Variants in DOCK3 observed in about 807,000 individuals in gnomAD.
DOCK3 encodes dedicator of cytokinesis protein 3.
In DOCK3, 60 loss-of-function variants were observed where a neutral mutation model predicts 265.6. The ratio of observed to expected loss-of-function variants is 0.23; its 90% CI spans 0.18 to 0.28. DOCK3 has a LOEUF of 0.28. Ranked by LOEUF, DOCK3 falls within the 10% of genes least tolerant of loss-of-function variation. The pLI, the probability that DOCK3 is intolerant of heterozygous loss-of-function variation, is 1.00. For missense variants in DOCK3, 1,981 were observed against 2,594.3 expected, an observed-to-expected ratio of 0.76 and a Z score of 5.14; for synonymous variants, 881 against 938.0, an observed-to-expected ratio of 0.94 and a Z score of 1.11.
At chr3:51,205,946 C>A (rs889469824) in intron 12 of DOCK3, among the ~76,000 whole-genome samples, 4 of 152,192 alleles carry the variant, frequency 2.6e-5, no homozygotes, top group Non-Finnish European at 2.9e-5. Flanking sequence ...CATTTGATTT[C>A]AAACAATCTT....
intron 5 of DOCK3, among the ~76,000 whole-genome samples, chr3:51,009,223 T>C (rs974358633): frequency 2.0e-5 from 3 of 152,232 alleles, no homozygotes; most frequent in Admixed American, 6.5e-5. Context: ...TCTCATAGAA[T>C]TCGGCTGTGA....
chr3:51,101,758 C>T (rs1181288559), intron 9 of DOCK3, among the ~76,000 whole-genome samples: 3 of 152,146 alleles, frequency 2.0e-5, no homozygotes, highest in African/African-American at 2.4e-5. Context: ...AAAAAGGCTT[C>T]GTGTAGAATC....
At chr3:50,859,653 C>T (rs2046808459) in intron 3 of DOCK3, among the ~76,000 whole-genome samples, 1 of 152,126 alleles carries the variant, frequency 6.6e-6, no homozygotes, top group South Asian at 2.1e-4. Flanking sequence ...GATGTTTTCA[C>T]CAAGCTGAGG....
At chr3:51,295,296 A>C (rs2082019253) in intron 27 of DOCK3, among the ~76,000 whole-genome samples, 1 of 152,264 alleles carries the variant, frequency 6.6e-6, no homozygotes, top group Non-Finnish European at 1.5e-5. Context: ...CAGAGATATC[A>C]TGGTGAGAGA....
At chr3:50,931,444 C>G (rs1029866884) in intron 4 of DOCK3, among the ~76,000 whole-genome samples, 1 of 152,172 alleles carries the variant, frequency 6.6e-6, no homozygotes, top group African/African-American at 2.4e-5. Flanking sequence ...TATACATCTC[C>G]TAATTATCTC....
At chr3:50,900,491 C>T (rs2049131518) in intron 4 of DOCK3, among the ~76,000 whole-genome samples, 1 of 152,184 alleles carries the variant, frequency 6.6e-6, no homozygotes, top group South Asian at 2.1e-4. Flanking sequence ...ATTTGTCAAA[C>T]TCATTCTCCA....
chr3:51,122,565 A>G (rs528802030), intron 9 of DOCK3, among the ~76,000 whole-genome samples: 3 of 152,378 alleles, frequency 2.0e-5, no homozygotes, highest in Admixed American at 1.3e-4. Flanking sequence ...TTTGCATTGA[A>G]ACATATTTTT....
chr3:51,150,079 T>G (rs1186429092), intron 10 of DOCK3, among the ~76,000 whole-genome samples: 2 of 152,206 alleles, frequency 1.3e-5, no homozygotes, highest in South Asian at 2.1e-4. Context: ...AGGGTGTATG[T>G]GTCCAGGAAT....
At position 51,322,605 on chromosome 3, in the gene DOCK3, G is replaced by C. The variant is rs532233086; in HGVS notation, c.3402+7477G>C. ...TCCTTTACAGACAAGCACATGTGGA[G>C]AGATTTTGTCACCACCAGGCCTGCC... On this transcript the variant is annotated intron_variant, in intron 32 of 52. Transcript: ENST00000266037. Among the ~76,000 whole-genome samples, 3 of 152,290 alleles carry C rather than the reference G, an allele frequency of 2.0e-5. No individual in the cohort carries two copies. The East Asian group carries it at 5.8e-4, about 29-fold the overall frequency.
chr3:50,694,195 A>G lies in DOCK3; in HGVS notation c.37+18895A>G, dbSNP rs9832673. Among the ~76,000 whole-genome samples the G allele has an allele frequency of 2.8e-3, 420 of 151,832 alleles. 1 individual carries two copies. Among genetic ancestry groups the G allele is most frequent in the African/African-American group, 9.7e-3 (401 of 41,446 alleles). ...TGAGGCATGAGAATCGCTTGAACCC[A>G]GGAGGTGGAGGTTGCAGTGAGCTGA... On this transcript the variant is annotated intron_variant, in intron 1 of 52. Coordinates refer to ENST00000266037, the MANE Select transcript of DOCK3 (RefSeq NM_004947.5).
At chr3:51,307,648 A>G (rs2082760670) in intron 27 of DOCK3, among the ~76,000 whole-genome samples, 1 of 152,040 alleles carries the variant, frequency 6.6e-6, no homozygotes, top group African/African-American at 2.4e-5. Context: ...CAGAGCCTCA[A>G]GGTCAGCACA....
intron 26 of DOCK3, chr3:51,277,983 CT>C (rs2108962411): frequency 1.0e-6 from 1 of 985,366 alleles, no homozygotes; most frequent in Non-Finnish European, 1.2e-6. Context: ...GGGAATGTTT[CT>C]TGTCCTGTTT....
intron 5 of DOCK3, among the ~76,000 whole-genome samples, chr3:50,975,746 A>G (rs1487543596): frequency 2.0e-5 from 3 of 152,168 alleles, no homozygotes; most frequent in Non-Finnish European, 4.4e-5. Context: ...CTTCTGGTAG[A>G]ATTCCGCTGT....
intron 49 of DOCK3, among the ~76,000 whole-genome samples, chr3:51,364,991 TTAAAG>T (rs1167227651): frequency 1.3e-5 from 2 of 152,240 alleles, no homozygotes; most frequent in East Asian, 1.9e-4. Context: ...CATATGAACT[TTAAAG>T]TAGTTTTTTC....
intron 9 of DOCK3, among the ~76,000 whole-genome samples, chr3:51,094,995 CTT>C (rs879555974): frequency 1.1e-4 from 16 of 139,542 alleles, no homozygotes; most frequent in Admixed American, 1.4e-4. Flanking sequence ...TCAACTCCTG[CTT>C]TTTTTTTTTT....
intron 14 of DOCK3, 87 bp downstream of exon 14, chr3:51,214,334 A>C (rs1390641537): frequency 6.5e-7 from 1 of 1,530,158 alleles, no homozygotes; most frequent in Non-Finnish European, 8.8e-7. Context: ...GAACTGTGCT[A>C]TGGAGAAGAC....
intron 2 of DOCK3, among the ~76,000 whole-genome samples, chr3:50,794,707 T>TG (rs1206549318): frequency 1.3e-5 from 2 of 152,170 alleles, no homozygotes; most frequent in Admixed American, 6.5e-5. Flanking sequence ...ACCTTTTAAT[T>TG]GGGGCATTTA....
intron 1 of DOCK3, among the ~76,000 whole-genome samples, chr3:50,707,228 G>T (rs995687673): frequency 6.6e-6 from 1 of 151,754 alleles, no homozygotes; most frequent in African/African-American, 2.4e-5. Context: ...AGGCATGGTG[G>T]CTCATGCCAC....
At chr3:50,731,068 C>A (rs2038179169) in intron 1 of DOCK3, among the ~76,000 whole-genome samples, 1 of 146,104 alleles carries the variant, frequency 6.8e-6, no homozygotes, top group Non-Finnish European at 1.5e-5. Context: ...GGAGGCAGAG[C>A]TTGCAGTGAG....
Sources: gnomAD v4.1 joint callset for allele counts (sites outside exome capture counted in the v4.1 genomes callset) on GRCh38, gnomAD v4.1.1 for gene constraint, MANE v1.5 for transcripts, NCBI Gene and HGNC (gene_info 2026-07-23, HGNC 2026-07-21) for gene names.